PLK1: variants seen among roughly 807,000 people sequenced by gnomAD.
PLK1 encodes serine/threonine-protein kinase PLK1.
PLK1 carries 6 observed loss-of-function variants against 56.7 expected under a neutral mutation model. That is an observed-to-expected ratio of 0.11 (90% CI 0.06 to 0.21). PLK1 has a LOEUF of 0.21. PLK1 is among the 10% of genes least tolerant of loss of function. The probability of loss-of-function intolerance (pLI) is 1.00; values close to 1 mark genes in which losing one functional copy is unlikely to be tolerated. For synonymous variants in PLK1, 298 were observed against 325.0 expected (o/e 0.92, Z 0.89); for missense variants, 546 against 814.4 (o/e 0.67, Z 4.01).
In PLK1 at chr16:23,680,225, C is replaced by G; in HGVS notation, c.550C>G (p.Leu184Val). The G allele has an allele frequency of 6.2e-7, 1 of 1,614,062 alleles. No individual in the cohort carries two copies. Among genetic ancestry groups the G allele is most frequent in the Non-Finnish European group, 8.5e-7 (1 of 1,179,986 alleles). The change falls in exon 2 of 10, where the codon CTG becomes GTG. Residue 184 changes from leucine (L) to valine (V), a missense_variant. Leu to Val is a conservative substitution (Grantham distance 32). Transcript: ENST00000300093. ...AGACCTCAAGCTGGGCAACCTTTTCCTGAATGAAGATCTGGAGGTGAAAAT... is the reference window on the plus strand; with the variant it reads ...AGACCTCAAGCTGGGCAACCTTTTCGTGAATGAAGATCTGGAGGTGAAAAT... ...HRDLKLGNLF[L>V]NEDLEVKIGD...
Position 23,689,772 on chromosome 16 carries a change from G to A in PLK1, c.1609-88G>A. The A allele has an allele frequency of 6.6e-7, 1 of 1,524,934 alleles. No individual in the cohort carries two copies. The highest frequency in any genetic ancestry group is 9.0e-7 in the Non-Finnish European group (1 of 1,108,666). 94.5% of individuals were successfully genotyped at this position (1,524,934 alleles called of 1,614,324 possible). A position where few individuals can be genotyped will look rare whatever the true frequency, so the allele number is the denominator to read the frequency against. On this transcript the variant is annotated intron_variant, in intron 9 of 9. Transcript: ENST00000300093. The surrounding 1 kb of genome is among the most constrained non-coding windows in gnomAD (Gnocchi z 4.8). ...GGTTGAATGTGGAGTGAGCGGCTCA[G>A]GTACCTATAACCTGTTGTGTCTTCC... is the stretch of plus-strand genomic sequence containing the variant.
chr16:23,687,874 A>G (rs1171152186), intron 6 of PLK1: 3 of 309,242 alleles, frequency 9.7e-6, no homozygotes, highest in African/African-American at 2.1e-5. Flanking sequence ...GTAAGTTCCT[A>G]TTGTATCTTC....
rs2140996991 is a variant in PLK1, at chr16:23,679,138, A to T, written c.206A>T (p.Glu69Val). Residue 69 changes from glutamate (E) to valine (V), a missense_variant, in exon 1 of 10, where the codon GAG becomes GTG. Transcript: ENST00000300093. ...LGKGGFAKCF[E>V]ISDADTKEVF... is the part of the protein sequence containing the mutation. ...AAGGGCGGCTTTGCCAAGTGCTTCG[A>T]GATCTCGGACGCGGACACCAAGGAG... The T allele has an allele frequency of 6.2e-7, 1 of 1,612,782 alleles. No homozygotes were observed. The highest frequency in any genetic ancestry group is 1.7e-4 in the Middle Eastern group (1 of 6,058).
chr16:23,680,830 A>G, intron 2 of PLK1, 84 bp from the exon 3 acceptor site: 2 of 1,355,610 alleles, frequency 1.5e-6, no homozygotes, highest in East Asian at 2.4e-5. Context: ...CTGGTTCTGG[A>G]TGGTCAAACC....
intron 1 of PLK1, 38 bp downstream of exon 1, chr16:23,679,378 G>C (rs752515923): frequency 6.3e-7 from 1 of 1,579,856 alleles, no homozygotes; most frequent in African/African-American, 1.3e-5. Context: ...CTGCCTGCGG[G>C]GCAGTTGGAG....
At chr16:23,688,821 T>A in intron 7 of PLK1, 76 bp downstream of exon 7, 2 of 1,003,644 alleles carry the variant, frequency 2.0e-6, no homozygotes, top group Non-Finnish European at 3.2e-6. Context: ...ACTCTGGCCT[T>A]TTTGAGCTCC....
At chr16:23,685,814 T>G (rs1959419040) in intron 5 of PLK1, among the ~76,000 whole-genome samples, 1 of 151,984 alleles carries the variant, frequency 6.6e-6, no homozygotes, top group African/African-American at 2.4e-5. Context: ...TCCCAAAGTG[T>G]TAGGATTTAC....
rs762366391 is a variant in PLK1 at position 23,689,206 on chromosome 16, CCT to C, written c.1271-31_1271-30del. On this transcript the variant is annotated intron_variant, in intron 7 of 9. Transcript: ENST00000300093. The surrounding 1 kb of genome is among the most constrained non-coding windows in gnomAD (Gnocchi z 4.8). ...GTCCCACTCCCCACTTTCTATTCCC[CCT>C]TTCTGAGACCTCTCTCCACCGATCC... The C allele has an allele frequency of 6.3e-7, 1 of 1,587,978 alleles. No individual in the cohort carries two copies. Among genetic ancestry groups the C allele is most frequent in the African/African-American group, 1.3e-5 (1 of 74,588 alleles).
rs190638613 is a variant in PLK1 at position 23,683,983 on chromosome 16, C to T, written c.930C>T (p.Ile310=). 6.2e-7 allele frequency: 1 copy of T among 1,614,138 alleles called. No homozygotes were observed. The highest frequency in any genetic ancestry group is 2.2e-5 in the East Asian group (1 of 44,886). The change falls in exon 5 of 10, where the codon ATC becomes ATT. Residue 310 remains isoleucine (I), a synonymous_variant. Coordinates refer to ENST00000300093, the MANE Select transcript of PLK1 (RefSeq NM_005030.6). The part of the protein sequence containing the change: ...LNDEFFTSGY[I]PARLPITCLT... ...ACGAGTTCTTTACTTCTGGCTATAT[C>T]CCTGCCCGTCTCCCCATCACCTGCC...
intron 5 of PLK1, among the ~76,000 whole-genome samples, chr16:23,685,952 T>G (rs758302831): frequency 3.3e-5 from 5 of 152,338 alleles, no homozygotes; most frequent in East Asian, 3.9e-4. Context: ...CCGATTGATT[T>G]ATTTATTTGG....
At chr16:23,682,839 C>T (rs1959357201) in intron 4 of PLK1, among the ~76,000 whole-genome samples, 1 of 151,886 alleles carries the variant, frequency 6.6e-6, no homozygotes, top group Non-Finnish European at 1.5e-5. Flanking sequence ...GCCTGGCCTG[C>T]ATCTTCTGAA....
intron 5 of PLK1, chr16:23,687,038 T>C (rs1480670839): frequency 1.3e-5 from 2 of 152,958 alleles, no homozygotes; most frequent in Admixed American, 6.5e-5. Context: ...TAAATAAGCA[T>C]ATAAAGCAAA....
intron 5 of PLK1, among the ~76,000 whole-genome samples, chr16:23,686,836 AC>A (rs1959434980): frequency 6.6e-6 from 1 of 152,196 alleles, no homozygotes; most frequent in South Asian, 2.1e-4. Context: ...ATTATTTCAT[AC>A]CCAAGTCCCT....
chr16:23,689,605 A>T lies in PLK1; in HGVS notation c.1537A>T (p.Thr513Ser), dbSNP rs1418691449. 1 of 1,613,334 alleles carries T rather than the reference A, an allele frequency of 6.2e-7. No homozygotes were observed. Among genetic ancestry groups the T allele is most frequent in the Admixed American group, 1.7e-5 (1 of 60,004 alleles). Reference sequence around the variant, plus strand: ...GCTCGCCCGGCTGCCCTACCTACGGACCTGGTTCCGCACCCGCAGCGCCAT... The same window carrying T: ...GCTCGCCCGGCTGCCCTACCTACGGTCCTGGTTCCGCACCCGCAGCGCCAT... ...DELARLPYLR[T>S]WFRTRSAIIL... The change falls in exon 9 of 10, where the codon ACC (threonine) becomes TCC (serine). Residue 513 changes from threonine to serine, a missense_variant. By Grantham distance (58) the Thr-to-Ser change is moderately conservative. Around this residue, in one of 7 missense-constraint regions of PLK1, gnomAD observed 113 missense variants for 202.0 expected, o/e 0.56. Transcript: ENST00000300093. The surrounding 1 kb of genome is among the most constrained non-coding windows in gnomAD (Gnocchi z 4.8).
Position 23,678,926 on chromosome 16 carries a change from C to T in PLK1, c.-7C>T, listed in dbSNP as rs1489911683. ...CGGATCGAGGTCTGCAGCGCAGCTT[C>T]GGGAGCATGAGTGCTGCAGTGACTG... On this transcript the variant is annotated 5_prime_UTR_variant, in exon 1 of 10. Coordinates refer to ENST00000300093, the MANE Select transcript of PLK1 (RefSeq NM_005030.6). The T allele has an allele frequency of 6.6e-7, 1 of 1,512,730 alleles. No homozygotes were observed. Among genetic ancestry groups the T allele is most frequent in the South Asian group, 1.2e-5 (1 of 80,492 alleles). The allele number at this position is 1,512,730 out of a possible 1,614,324, so 93.7% of individuals were successfully genotyped here. A position where few individuals can be genotyped will look rare whatever the true frequency, so the allele number is the denominator to read the frequency against.
Position 23,687,480 on chromosome 16 carries a change from C to T in PLK1, c.1048C>T (p.Pro350Ser), listed in dbSNP as rs771753889. The change falls in exon 6 of 10, where the codon CCC becomes TCC. Residue 350 changes from proline (P) to serine (S), a missense_variant. By Grantham distance (74) the Pro-to-Ser change is moderately conservative (BLOSUM62 -1). Transcript: ENST00000300093. The part of the protein sequence containing the change: ...LTVLNKGLEN[P>S]LPERPREKEE... ...TGTCACCTTCCTAGGCTTGGAGAAC[C>T]CCCTGCCTGAGCGTCCCCGGGAAAA... The T allele has an allele frequency of 6.3e-7, 1 of 1,586,120 alleles. No individual in the cohort carries two copies. Among genetic ancestry groups the T allele is most frequent in the East Asian group, 2.3e-5 (1 of 43,568 alleles).
chr16:23,679,953 C>G, intron 1 of PLK1, 131 bp from the exon 2 acceptor site: 1 of 635,870 alleles, frequency 1.6e-6, no homozygotes, highest in Non-Finnish European at 2.7e-6. Context: ...AGAAACCCAC[C>G]AAGACCCCTC....
chr16:23,687,589 C>T lies in PLK1; in HGVS notation c.1157C>T (p.Ala386Val), dbSNP rs1187655104. 3 of 1,597,810 alleles carry T rather than the reference C, an allele frequency of 1.9e-6. No individual in the cohort carries two copies. The highest frequency in any genetic ancestry group is 3.4e-5 in the Admixed American group (2 of 58,602). Residue 386 changes from alanine to valine, a missense_variant, in exon 6 of 10, where the codon GCC becomes GTC. Ala to Val is a moderately conservative substitution (Grantham distance 64). Coordinates refer to ENST00000300093, the MANE Select transcript of PLK1 (RefSeq NM_005030.6). ...DMLQQLHSVN[A>V]SKPSERGLVR... is the part of the protein sequence containing the mutation. ...CTGCAGCAGCTGCACAGTGTCAATG[C>T]CTCCAAGCCCTCGGAGCGTGGGCTG... is the stretch of plus-strand genomic sequence containing the variant.
chr16:23,682,010 C>T (rs1238089683), intron 3 of PLK1, 54 bp from the exon 4 acceptor site: 3 of 922,164 alleles, frequency 3.3e-6, no homozygotes, highest in African/African-American at 3.3e-5. Flanking sequence ...TGATTTCTCT[C>T]ATGTCTGGGT....
Sources: allele counts gnomAD v4.1 joint callset (sites outside exome capture counted in the v4.1 genomes callset), GRCh38; gene constraint gnomAD v4.1.1; regional missense constraint gnomAD v4.1.1; non-coding constraint Gnocchi (gnomAD v3.1); transcripts MANE v1.5; gene names NCBI Gene and HGNC (gene_info 2026-07-23, HGNC 2026-07-21).